The following CD3G variants were observed in gnomAD, a reference collection of about 807,000 sequenced individuals.
CD3G encodes CD3 gamma subunit of T-cell receptor complex.
In CD3G, 24 loss-of-function variants were observed where a neutral mutation model predicts 28.3. The ratio of observed to expected loss-of-function variants is 0.85; its 90% confidence interval spans 0.61 to 1.19. The LOEUF (loss-of-function observed/expected upper bound fraction) is 1.19, where lower values mean the gene tolerates loss of function less well. Ranked by LOEUF, CD3G falls within the 50% of genes most tolerant of loss-of-function variation. The probability of loss-of-function intolerance (pLI) is 0.00; values close to 1 mark genes in which losing one functional copy is unlikely to be tolerated. For missense variants in CD3G, 211 were observed against 210.0 expected (o/e 1.00, Z -0.03); for synonymous variants, 71 against 75.9 (o/e 0.93, Z 0.34).
At chr11:118,347,931 T>C (rs1192526761) in intron 1 of CD3G, among the ~76,000 whole-genome samples, 1 of 152,134 alleles carries the variant, frequency 6.6e-6, no homozygotes, top group Non-Finnish European at 1.5e-5. Context: ...AACTCTGAGT[T>C]ATGAGACAGA....
intron 6 of CD3G, 48 bp downstream of exon 6, chr11:118,352,535 C>T: frequency 1.6e-6 from 2 of 1,248,688 alleles, no homozygotes; most frequent in Non-Finnish European, 2.3e-6. Flanking sequence ...GCATCAACTG[C>T]CCTCGCAATT....
intron 4 of CD3G, 121 bp from the exon 5 acceptor site, chr11:118,351,507 C>A: frequency 1.1e-6 from 1 of 878,960 alleles, no homozygotes; most frequent in South Asian, 1.4e-5. Context: ...TGTTTATGTG[C>A]TTTATCCATA....
At chr11:118,350,517 G>A (rs200310056) in intron 3 of CD3G, 35 bp from the exon 4 acceptor site, 2 of 1,543,464 alleles carry the variant, frequency 1.3e-6, no homozygotes, top group Non-Finnish European at 1.8e-6. Flanking sequence ...AACAACTTTC[G>A]CAACCTGAAG....
chr11:118,348,202 G>A (rs752647021), intron 1 of CD3G, among the ~76,000 whole-genome samples: 1 of 152,060 alleles, frequency 6.6e-6, no homozygotes, highest in Non-Finnish European at 1.5e-5. Flanking sequence ...TAAGAGCATG[G>A]TTCCCAACCA....
chr11:118,346,555 G>A (rs1948358403), intron 1 of CD3G, among the ~76,000 whole-genome samples: 1 of 152,082 alleles, frequency 6.6e-6, no homozygotes, highest in Non-Finnish European at 1.5e-5. Flanking sequence ...GTGGCTCATG[G>A]CTATAATCCC....
rs546114853 is a variant in CD3G, at chr11:118,350,823, A to G, written c.439+140A>G. The G allele has an allele frequency of 5.1e-5, 78 of 1,526,912 alleles. No homozygotes were observed. In the East Asian group the frequency reaches 7.0e-4, roughly 14 times the overall value. 94.6% of individuals were successfully genotyped at this position (1,526,912 alleles called of 1,614,324 possible). A position where few individuals can be genotyped will look rare whatever the true frequency, so the allele number is the denominator to read the frequency against. On this transcript the variant is annotated intron_variant, in intron 4 of 6. Coordinates refer to ENST00000532917, the MANE Select transcript of CD3G (RefSeq NM_000073.3). Reference sequence around the variant, plus strand: ...TTGGGTGAGGCTGTATTTCTCTGAGACAGGAGAAAGGATACTTGGTGTTAT... The same window carrying G: ...TTGGGTGAGGCTGTATTTCTCTGAGGCAGGAGAAAGGATACTTGGTGTTAT...
At chr11:118,345,423 G>C (rs868771251) in intron 1 of CD3G, among the ~76,000 whole-genome samples, 2 of 152,220 alleles carry the variant, frequency 1.3e-5, no homozygotes, top group Non-Finnish European at 2.9e-5. Context: ...ATTTAGCACA[G>C]TTTCAGCAGG....
At chr11:118,349,366 C>T in intron 2 of CD3G, 3 of 1,147,904 alleles carry the variant, frequency 2.6e-6, no homozygotes, top group Admixed American at 3.1e-5. Context: ...TCTGTCAATC[C>T]TTCTCTTTAG....
chr11:118,344,400 T>G lies in CD3G; in HGVS notation c.-24T>G. On this transcript the variant is annotated 5_prime_UTR_variant, in exon 1 of 7. Coordinates refer to ENST00000532917, the MANE Select transcript of CD3G (RefSeq NM_000073.3). ...CTGGCTGCTAAGGGCTGCTCCACGCTTTTGCCGGAGGACAGAGACTGACAT... is the reference window on the plus strand; with the variant it reads ...CTGGCTGCTAAGGGCTGCTCCACGCGTTTGCCGGAGGACAGAGACTGACAT... The G allele has an allele frequency of 6.4e-7, 1 of 1,558,550 alleles. No homozygotes were observed. Among genetic ancestry groups the G allele is most frequent in the East Asian group, 2.4e-5 (1 of 41,942 alleles).
chr11:118,348,632 C>T (rs1948377981), intron 1 of CD3G, among the ~76,000 whole-genome samples: 2 of 152,146 alleles, frequency 1.3e-5, no homozygotes, highest in Non-Finnish European at 2.9e-5. Context: ...TCTAGGATCC[C>T]TTCCTGGGGC....
At chr11:118,346,810 A>G (rs1197469284) in intron 1 of CD3G, among the ~76,000 whole-genome samples, 1 of 148,550 alleles carries the variant, frequency 6.7e-6, no homozygotes, top group East Asian at 2.1e-4. Flanking sequence ...AAGAAAAAAA[A>G]AAAAAGATGT....
At chr11:118,350,168 A>G (rs541208471) in intron 3 of CD3G, 198 bp downstream of exon 3, 12 of 611,584 alleles carry the variant, frequency 2.0e-5, no homozygotes, top group Middle Eastern at 8.8e-4. Context: ...CCAGTCCTGT[A>G]AAATTTTGTT....
At position 118,354,153 on chromosome 11, in the gene CD3G, T is replaced by C. The variant is rs759743274; in HGVS notation, c.*1053T>C. 1 of 152,174 alleles carries C rather than the reference T, an allele frequency of 6.6e-6. No homozygotes were observed. Among genetic ancestry groups the C allele is most frequent in the Non-Finnish European group, 1.5e-5 (1 of 68,036 alleles). 9.4% of individuals were successfully genotyped at this position (152,174 alleles called of 1,614,324 possible). A position where few individuals can be genotyped will look rare whatever the true frequency, so the allele number is the denominator to read the frequency against. On this transcript the variant is annotated 3_prime_UTR_variant, in exon 7 of 7. Coordinates refer to ENST00000532917, the MANE Select transcript of CD3G (RefSeq NM_000073.3). ...AATATCATTTTTAAAAATAATTGCA[T>C]TGAAGCATAATGTACATGCCATAAA... is the stretch of plus-strand genomic sequence containing the variant.
intron 4 of CD3G, chr11:118,350,888 T>TTAAAAA: frequency 1.5e-6 from 1 of 684,468 alleles, no homozygotes; most frequent in Non-Finnish European, 1.8e-6. Context: ...GCTCCCTCTG[T>TTAAAAA]GAAAAAAAAA....
intron 5 of CD3G, among the ~76,000 whole-genome samples, chr11:118,352,152 G>A (rs1462924112): frequency 6.6e-6 from 1 of 151,772 alleles, no homozygotes; most frequent in African/African-American, 2.4e-5. Context: ...GGAGGTCGAG[G>A]TTGCAGTGAG....
chr11:118,351,049 G>A (rs1181393), intron 4 of CD3G: 1 of 304,086 alleles, frequency 3.3e-6, no homozygotes, highest in Non-Finnish European at 5.8e-6. Flanking sequence ...TTAGCCGGGC[G>A]TGGTGGCGGG....
rs139079277 is a variant in CD3G at position 118,352,941 on chromosome 11, A to T, written c.*19-178A>T. On this transcript the variant is annotated intron_variant, in intron 6 of 6. Coordinates refer to ENST00000532917, the MANE Select transcript of CD3G (RefSeq NM_000073.3). ...ACATTACCAAATGTGTCCAAACATC[A>T]CCTCCAGGGCAAAATCACCCTTAGT... 2.0e-5 allele frequency among the ~76,000 whole-genome samples: 3 copies of T among 152,276 alleles called. No homozygotes were observed. In the East Asian group the frequency reaches 5.8e-4, roughly 29 times the overall value.
Position 118,344,487 on chromosome 11 carries a change from C to G in CD3G, c.55+9C>G. ...TATCATTCTTCTTCAAGGTAAGGGC[C>G]TACTAGGGGTCTGGAAGCCTGGGGA... On this transcript the variant is annotated intron_variant, in intron 1 of 6. Coordinates refer to ENST00000532917, the MANE Select transcript of CD3G (RefSeq NM_000073.3). 1 of 1,560,792 alleles carries G rather than the reference C, an allele frequency of 6.4e-7. No individual in the cohort carries two copies.
intron 3 of CD3G, 143 bp from the exon 4 acceptor site, chr11:118,350,409 G>A (rs1359283480): frequency 4.0e-6 from 3 of 744,036 alleles, no homozygotes; most frequent in Non-Finnish European, 7.3e-6. Context: ...GAGTTTTGGC[G>A]CAAGGATCTT....
Sources: gnomAD v4.1 joint callset for allele counts (sites outside exome capture counted in the v4.1 genomes callset) on GRCh38, gnomAD v4.1.1 for gene constraint, MANE v1.5 for transcripts, NCBI Gene and HGNC (gene_info 2026-07-23, HGNC 2026-07-21) for gene names.